Variants in PCDH15 observed in about 807,000 individuals in gnomAD.
PCDH15 encodes protocadherin related 15.
PCDH15 carries 129 observed loss-of-function variants against 178.5 expected under a neutral mutation model. The observed-to-expected ratio is 0.72, with a 90% CI of 0.63 to 0.84. The LOEUF is 0.84. PCDH15 is among the 40% of genes least tolerant of loss of function. The pLI is 0.00. For missense variants in PCDH15, 2,230 were observed against 2,099.9 expected (o/e 1.06, Z -1.21); for synonymous variants, 800 against 732.0 (o/e 1.09, Z -1.50).
At chr10:54,220,825 A>AAAATAAATAAATAAAT (rs10595887) in intron 9 of PCDH15, among the ~76,000 whole-genome samples, 6 of 143,146 alleles carry the variant, frequency 4.2e-5, no homozygotes, top group East Asian at 2.1e-4. Context: ...ACTCCGTCTC[A>AAAATAAATAAATAAAT]AAATAAATAA....
chr10:55,200,417 C>T (rs907789169), intron 1 of PCDH15, among the ~76,000 whole-genome samples: 4 of 152,062 alleles, frequency 2.6e-5, no homozygotes, highest in African/African-American at 9.7e-5. Context: ...ATGCCTGTAG[C>T]CTCATTGTAT....
intron 3 of PCDH15, among the ~76,000 whole-genome samples, chr10:54,807,987 A>T (rs1365731248): frequency 1.3e-5 from 2 of 151,840 alleles, no homozygotes; most frequent in Non-Finnish European, 2.9e-5. Context: ...TTTAAAATTT[A>T]TATAAATTTT....
At chr10:55,550,868 T>C (rs1283469850) in intron 2 of PCDH15, among the ~76,000 whole-genome samples, 1 of 152,100 alleles carries the variant, frequency 6.6e-6, no homozygotes, top group Non-Finnish European at 1.5e-5. Flanking sequence ...ATATATACCT[T>C]GATGTCCGGT....
At chr10:54,961,817 C>T (rs1339591199) in intron 2 of PCDH15, among the ~76,000 whole-genome samples, 1 of 152,106 alleles carries the variant, frequency 6.6e-6, no homozygotes, top group African/African-American at 2.4e-5. Context: ...TAAGAGGTAC[C>T]TTTGGGTCTC....
chr10:54,729,429 A>G (rs1943037840), intron 1 of PCDH15, among the ~76,000 whole-genome samples: 2 of 151,528 alleles, frequency 1.3e-5, no homozygotes, highest in South Asian at 4.1e-4. Flanking sequence ...TAAGACTTAA[A>G]TGAAAAACTT....
intron 14 of PCDH15, among the ~76,000 whole-genome samples, chr10:54,142,367 T>A (rs2043491269): frequency 6.6e-6 from 1 of 152,130 alleles, no homozygotes; most frequent in Non-Finnish European, 1.5e-5. Context: ...CAAAGCCTCA[T>A]CTTCAGACAC....
At chr10:54,844,053 G>A (rs1953463955) in intron 3 of PCDH15, among the ~76,000 whole-genome samples, 2 of 151,924 alleles carry the variant, frequency 1.3e-5, no homozygotes, top group South Asian at 4.1e-4. Context: ...TTATCCTACT[G>A]AGTTAAGAAA....
At chr10:55,527,644 CTTA>C (rs773326435) in intron 2 of PCDH15, among the ~76,000 whole-genome samples, 5 of 151,778 alleles carry the variant, frequency 3.3e-5, no homozygotes, top group South Asian at 2.1e-4. Flanking sequence ...TGTTTTCTTT[CTTA>C]TTAAGTCAAA....
rs796219738 is a variant in PCDH15, at chr10:54,633,106, C to T, written c.91+31066G>A. ...TTTGGTCTAAAACCATAATGGAATA[C>T]GGAGACTGAAAAAAAGCCCAAGTAA... is the stretch of plus-strand genomic sequence containing the variant. On this transcript the variant is annotated intron_variant, in intron 2 of 37. Transcript: ENST00000644397. Among the ~76,000 whole-genome samples the T allele has an allele frequency of 1.3e-4, 19 of 151,970 alleles. No individual in the cohort carries two copies. In the South Asian group the frequency reaches 1.9e-3, roughly 15 times the overall value.
intron 11 of PCDH15, among the ~76,000 whole-genome samples, chr10:54,191,451 G>A (rs140051224): frequency 4.7e-4 from 71 of 152,292 alleles, no homozygotes; most frequent in African/African-American, 1.6e-3. Flanking sequence ...GCAAACATTA[G>A]ACAAGATGTA....
intron 15 of PCDH15, among the ~76,000 whole-genome samples, chr10:54,131,286 T>A (rs2042414478): frequency 6.6e-6 from 1 of 152,188 alleles, no homozygotes; most frequent in Non-Finnish European, 1.5e-5. Context: ...TATTTAAATA[T>A]AAAATGTATA....
intron 2 of PCDH15, among the ~76,000 whole-genome samples, chr10:54,571,333 G>GAAAA (rs60604711): frequency 7.8e-6 from 1 of 128,574 alleles, no homozygotes; most frequent in South Asian, 2.5e-4. Context: ...GACAAAATTT[G>GAAAA]AAAAAAAAAA....
At chr10:54,187,673 G>T (rs184506912) in intron 11 of PCDH15, among the ~76,000 whole-genome samples, 117 of 151,924 alleles carry the variant, frequency 7.7e-4, no homozygotes, top group African/African-American at 2.6e-3. Flanking sequence ...TTTTTGTGAA[G>T]AAGATAATCT....
intron 21 of PCDH15, among the ~76,000 whole-genome samples, chr10:53,990,634 TATTGA>T (rs2091408302): frequency 1.3e-5 from 2 of 151,728 alleles, no homozygotes; most frequent in South Asian, 4.2e-4. Flanking sequence ...AAATTGTTCA[TATTGA>T]GAGGTGACAA....
At chr10:55,111,924 A>T (rs1184412949) in intron 2 of PCDH15, among the ~76,000 whole-genome samples, 4 of 152,212 alleles carry the variant, frequency 2.6e-5, no homozygotes, top group Non-Finnish European at 5.9e-5. Flanking sequence ...GTTTCACATT[A>T]TGATTACGTG....
chr10:54,486,956 G>T (rs2079155070), intron 3 of PCDH15, among the ~76,000 whole-genome samples: 1 of 151,998 alleles, frequency 6.6e-6, no homozygotes, highest in Non-Finnish European at 1.5e-5. Context: ...GTGAGTTAAT[G>T]AGGTCTTCAG....
At chr10:54,263,294 G>A (rs907969397) in intron 8 of PCDH15, among the ~76,000 whole-genome samples, 2 of 152,088 alleles carry the variant, frequency 1.3e-5, no homozygotes, top group Non-Finnish European at 2.9e-5. Context: ...CACACCATGA[G>A]ATAAAGAAAA....
At chr10:55,597,694 T>G (rs1390298590) in intron 2 of PCDH15, among the ~76,000 whole-genome samples, 1 of 152,146 alleles carries the variant, frequency 6.6e-6, no homozygotes, top group Non-Finnish European at 1.5e-5. Flanking sequence ...CTCTGCTAAT[T>G]CAACTTTTTT....
intron 2 of PCDH15, among the ~76,000 whole-genome samples, chr10:54,926,206 A>G (rs1037523022): frequency 2.0e-5 from 3 of 152,148 alleles, no homozygotes; most frequent in Non-Finnish European, 4.4e-5. Context: ...TGAGATAATC[A>G]TGTGGCTTTT....
Sources: allele counts gnomAD v4.1 joint callset (sites outside exome capture counted in the v4.1 genomes callset), GRCh38; gene constraint gnomAD v4.1.1; transcripts MANE v1.5; gene names NCBI Gene and HGNC (gene_info 2026-07-23, HGNC 2026-07-21).